The following TSPAN15 variants were observed in gnomAD, a reference collection of about 807,000 sequenced individuals.
TSPAN15 encodes the protein tetraspanin-15.
In TSPAN15, 20 loss-of-function variants were observed where a neutral mutation model predicts 34.5. That is an observed-to-expected ratio of 0.58 (90% CI 0.41 to 0.84). The LOEUF (loss-of-function observed/expected upper bound fraction) is 0.84, where lower values mean the gene tolerates loss of function less well. Among genes scored for constraint, TSPAN15 ranks in the 40% least tolerant of loss-of-function variants. The pLI, the probability that TSPAN15 is intolerant of heterozygous loss-of-function variation, is 0.00. For synonymous variants in TSPAN15, 155 were observed against 153.9 expected, an observed-to-expected ratio of 1.01 and a Z score of -0.05; for missense variants, 313 against 386.1, an observed-to-expected ratio of 0.81 and a Z score of 1.59.
the TSPAN15 span, among the ~76,000 whole-genome samples, chr10:69,547,488 C>T: frequency 6.6e-6 from 1 of 152,128 alleles, no homozygotes; most frequent in Non-Finnish European, 1.5e-5. Flanking sequence ...TTGATATACC[C>T]TTTTCCATCA....
chr10:69,462,809 C>A (rs898112976), intron 1 of TSPAN15, among the ~76,000 whole-genome samples: 1 of 152,212 alleles, frequency 6.6e-6, no homozygotes. Context: ...CTCTTACGAT[C>A]TGGACAGGTT....
chr10:69,497,045 T>C (rs1842100749), intron 4 of TSPAN15, among the ~76,000 whole-genome samples: 1 of 152,218 alleles, frequency 6.6e-6, no homozygotes, highest in African/African-American at 2.4e-5. Flanking sequence ...GCTGCCATCC[T>C]TATTCTTGCT....
the TSPAN15 span, among the ~76,000 whole-genome samples, chr10:69,525,028 G>T: frequency 6.8e-6 from 1 of 147,718 alleles, no homozygotes; most frequent in South Asian, 2.1e-4. Flanking sequence ...CAATCCGCCG[G>T]CCTCAGCCTC....
chr10:69,492,519 C>T (rs1841990544), intron 3 of TSPAN15, among the ~76,000 whole-genome samples: 1 of 152,204 alleles, frequency 6.6e-6, no homozygotes, highest in African/African-American at 2.4e-5. Context: ...CCATGAAGCC[C>T]AGGGACATCT....
At chr10:69,516,606 C>T in the TSPAN15 span, among the ~76,000 whole-genome samples, 3 of 152,130 alleles carry the variant, frequency 2.0e-5, no homozygotes, top group Admixed American at 2.0e-4. Flanking sequence ...CCCACTTGGC[C>T]GGGTCTCTGT....
chr10:69,497,144 G>GGTCT (rs1171340447), intron 4 of TSPAN15, among the ~76,000 whole-genome samples: 1 of 152,134 alleles, frequency 6.6e-6, no homozygotes, highest in African/African-American at 2.4e-5. Context: ...TTTGACCTTG[G>GGTCT]GTCTGTTCCA....
chr10:69,453,078 T>C (rs1180934066), intron 1 of TSPAN15, among the ~76,000 whole-genome samples: 2 of 152,154 alleles, frequency 1.3e-5, no homozygotes, highest in Admixed American at 6.5e-5. Flanking sequence ...AGAAGACTAG[T>C]CTGAGGCCAG....
the TSPAN15 span, among the ~76,000 whole-genome samples, chr10:69,547,020 A>G: frequency 6.6e-6 from 1 of 152,008 alleles, no homozygotes; most frequent in African/African-American, 2.4e-5. Context: ...TAAATTAAAA[A>G]TTAATTAAAA....
chr10:69,519,580 T>G, the TSPAN15 span, among the ~76,000 whole-genome samples: 1 of 152,238 alleles, frequency 6.6e-6, no homozygotes, highest in South Asian at 2.1e-4. Context: ...TTTATTTTCT[T>G]TAAAAATCAG....
chr10:69,541,992 T>C, the TSPAN15 span, among the ~76,000 whole-genome samples: 2 of 152,226 alleles, frequency 1.3e-5, no homozygotes. Context: ...ATTTCTGCAA[T>C]GGGCTTGAAT....
downstream of TSPAN15, among the ~76,000 whole-genome samples, chr10:69,508,122 G>T (rs1842375046): frequency 6.6e-6 from 1 of 152,110 alleles, no homozygotes. Context: ...TTTTTTGTGA[G>T]GCTCTTAGTA....
chr10:69,488,304 G>T (rs1841897720), intron 3 of TSPAN15, among the ~76,000 whole-genome samples: 8 of 152,148 alleles, frequency 5.3e-5, no homozygotes, highest in Admixed American at 5.2e-4. Context: ...CCTGGCTGTT[G>T]ATGATGGTAG....
chr10:69,541,335 G>C, the TSPAN15 span, among the ~76,000 whole-genome samples: 32 of 152,142 alleles, frequency 2.1e-4, no homozygotes, highest in African/African-American at 7.5e-4. Flanking sequence ...GGAGTCAAAG[G>C]AGATCATTTT....
intron 1 of TSPAN15, among the ~76,000 whole-genome samples, chr10:69,481,678 G>A (rs1426773068): frequency 6.6e-6 from 1 of 152,196 alleles, no homozygotes; most frequent in Non-Finnish European, 1.5e-5. Flanking sequence ...TGACACTGGG[G>A]TGGCTATGCT....
the TSPAN15 span, among the ~76,000 whole-genome samples, chr10:69,539,399 A>AGG: frequency 6.8e-6 from 1 of 146,806 alleles, no homozygotes; most frequent in Non-Finnish European, 1.5e-5. Context: ...GAAGAGGAAG[A>AGG]AGAGGAAGAG....
rs530059782 is a variant in TSPAN15, at chr10:69,456,280, G to C, written c.96+4590G>C. 2.5e-3 allele frequency among the ~76,000 whole-genome samples: 373 copies of C among 152,076 alleles called. 1 individual carries two copies. The highest frequency in any genetic ancestry group is 3.4e-3 in the Middle Eastern group (1 of 294). ...TTTTTGTATTTTTGGTAGAGACGGG[G>C]TTCTACCATGTTGACCAGACTGTCT... On this transcript the variant is annotated intron_variant, in intron 1 of 7. Coordinates refer to ENST00000373290, the MANE Select transcript of TSPAN15 (RefSeq NM_012339.5).
intron 1 of TSPAN15, among the ~76,000 whole-genome samples, chr10:69,457,003 C>A (rs1237866937): frequency 6.6e-6 from 1 of 152,120 alleles, no homozygotes; most frequent in Non-Finnish European, 1.5e-5. Flanking sequence ...GGGATGTCTG[C>A]GGGAGAAATG....
chr10:69,460,517 C>CT (rs1201757107), intron 1 of TSPAN15, among the ~76,000 whole-genome samples: 3 of 151,908 alleles, frequency 2.0e-5, no homozygotes, highest in Admixed American at 6.6e-5. Context: ...AGCCCAGGAA[C>CT]TAAGGGGTGG....
the TSPAN15 span, among the ~76,000 whole-genome samples, chr10:69,545,443 C>T: frequency 1.3e-5 from 2 of 152,186 alleles, no homozygotes; most frequent in South Asian, 4.1e-4. Context: ...AGCGGGCTCA[C>T]CGGTCAAGTC....
Sources: allele counts gnomAD v4.1 joint callset (sites outside exome capture counted in the v4.1 genomes callset), GRCh38; gene constraint gnomAD v4.1.1; transcripts MANE v1.5; gene names NCBI Gene and HGNC (gene_info 2026-07-23, HGNC 2026-07-21).